IL27RA: variants seen among roughly 807,000 people sequenced by gnomAD.
IL27RA encodes the protein interleukin-27 receptor subunit alpha.
A neutral mutation model predicts 80.8 loss-of-function variants in IL27RA; 61 were observed. The ratio of observed to expected loss-of-function variants is 0.76; its 90% confidence interval spans 0.61 to 0.93. The LOEUF is 0.93. Ranked by LOEUF, IL27RA falls within the 40% of genes least tolerant of loss-of-function variation. The probability of loss-of-function intolerance (pLI) is 0.00; values close to 1 mark genes in which losing one functional copy is unlikely to be tolerated. For synonymous variants in IL27RA, 316 were observed against 332.5 expected, an observed-to-expected ratio of 0.95 and a Z score of 0.54; for missense variants, 735 against 808.1, an observed-to-expected ratio of 0.91 and a Z score of 1.10.
Position 14,052,153 on chromosome 19 carries a change from G to C in IL27RA, c.1774G>C (p.Glu592Gln). 6.2e-7 allele frequency: 1 copy of C among 1,612,746 alleles called. No individual in the cohort carries two copies. Among genetic ancestry groups the C allele is most frequent in the Non-Finnish European group, 8.5e-7 (1 of 1,179,608 alleles). The change falls in exon 14 of 14, where the codon GAG becomes CAG. Residue 592 changes from glutamate (E) to glutamine (Q), a missense_variant. By Grantham distance (29) the Glu-to-Gln change is conservative. Transcript: ENST00000263379. ...GCCCATCCTGGAAGTGGAGGAGATG[G>C]AGCCCCCGCCGGTTATGGAGTCCTC... ...DLPILEVEEM[E>Q]PPPVMESSQP...
At position 14,052,802 on chromosome 19, in the gene IL27RA, C is replaced by T. The variant is rs1976199817; in HGVS notation, c.*512C>T. 6.6e-6 allele frequency: 1 copy of T among 152,284 alleles called. No individual in the cohort carries two copies. The highest frequency in any genetic ancestry group is 2.4e-5 in the African/African-American group (1 of 41,292). 9.4% of individuals were successfully genotyped at this position (152,284 alleles called of 1,614,324 possible). A position where few individuals can be genotyped will look rare whatever the true frequency, so the allele number is the denominator to read the frequency against. On this transcript the variant is annotated 3_prime_UTR_variant, in exon 14 of 14. Transcript: ENST00000263379. ...GCTGAGGTGGGAGGATCGGTTGAGCCCAGGAGTTCGAAGCTGCAGGGACCT... is the reference window on the plus strand; with the variant it reads ...GCTGAGGTGGGAGGATCGGTTGAGCTCAGGAGTTCGAAGCTGCAGGGACCT...
At chr19:14,042,655 C>T in intron 5 of IL27RA, 43 bp downstream of exon 5, 1 of 1,613,946 alleles carries the variant, frequency 6.2e-7, no homozygotes, top group Non-Finnish European at 8.5e-7. Context: ...CCCCTCCCAC[C>T]CCCAGAAGTC....
At chr19:14,049,380 A>AC (rs1976124158) in intron 10 of IL27RA, 66 bp downstream of exon 10, 2 of 1,533,654 alleles carry the variant, frequency 1.3e-6, no homozygotes, top group South Asian at 2.5e-5. Flanking sequence ...AGTCAGCCCC[A>AC]CCCCTTGTCC....
chr19:14,042,743 A>G lies in IL27RA; in HGVS notation c.722A>G (p.Asn241Ser), dbSNP rs1976009988. ...SAPKDVWVSG[N>S]LCGTPGGEEP... ...CCAAAAGATGTGTGGGTATCAGGGA[A>G]CCTCTGTGGGACGCCTGGAGGAGAG... The change falls in exon 6 of 14, where the codon AAC (asparagine) becomes AGC (serine). Residue 241 changes from asparagine to serine, a missense_variant. By Grantham distance (46) the Asn-to-Ser change is conservative. Transcript: ENST00000263379. 1.2e-6 allele frequency: 2 copies of G among 1,613,686 alleles called. No individual in the cohort carries two copies. Among genetic ancestry groups the G allele is most frequent in the African/African-American group, 1.3e-5 (1 of 74,786 alleles).
chr19:14,049,395 G>C (rs564149348), intron 10 of IL27RA, 81 bp downstream of exon 10: 1 of 1,467,192 alleles, frequency 6.8e-7, no homozygotes. Flanking sequence ...TTGTCCCCAC[G>C]TGGGCCTCTT....
chr19:14,032,259 C>G (rs1241938032), intron 1 of IL27RA, 127 bp from the exon 2 acceptor site: 2 of 783,024 alleles, frequency 2.6e-6, no homozygotes, highest in Non-Finnish European at 4.2e-6. Flanking sequence ...CCTAGCGCCT[C>G]CCTTCCTGCT....
intron 10 of IL27RA, among the ~76,000 whole-genome samples, chr19:14,050,511 CAAAAAA>C (rs34034204): frequency 7.0e-5 from 7 of 99,944 alleles, no homozygotes; most frequent in East Asian, 2.9e-4. Flanking sequence ...GACTTCATGT[CAAAAAA>C]AAAAAAAAAA....
intron 2 of IL27RA, among the ~76,000 whole-genome samples, chr19:14,039,056 G>A (rs1019750748): frequency 6.6e-6 from 1 of 151,564 alleles, no homozygotes; most frequent in Admixed American, 6.6e-5. Context: ...AGGCCGAGGT[G>A]TGTGCATCAC....
intron 6 of IL27RA, 146 bp downstream of exon 6, chr19:14,042,935 A>T (rs1054900424): frequency 1.3e-5 from 9 of 707,854 alleles, no homozygotes; most frequent in South Asian, 6.4e-5. Flanking sequence ...TGAGGTCAGC[A>T]GTTGGAGACC....
rs777027035 is a variant in IL27RA at position 14,046,283 on chromosome 19, G to A, written c.898G>A (p.Ala300Thr). Residue 300 changes from alanine (A) to threonine (T), a missense_variant, in exon 7 of 14, where the codon GCT (alanine) becomes ACT (threonine). Ala to Thr is a moderately conservative substitution (Grantham distance 58). Coordinates refer to ENST00000263379, the MANE Select transcript of IL27RA (RefSeq NM_004843.4). ...TGGGGCGGAGTGGGCCAGGGTGTCC[G>A]CTGTCAACGCCACAAGCTGGGAGCC... ...PSGAEWARVS[A>T]VNATSWEPLT... The A allele has an allele frequency of 3.7e-5, 60 of 1,613,990 alleles. No homozygotes were observed. The highest frequency in any genetic ancestry group is 1.5e-4 in the African/African-American group (11 of 74,918).
At chr19:14,049,641 G>T (rs1976128806) in intron 10 of IL27RA, among the ~76,000 whole-genome samples, 1 of 150,498 alleles carries the variant, frequency 6.6e-6, no homozygotes, top group South Asian at 2.1e-4. Context: ...GAGTGCAATG[G>T]CACGATCTCA....
intron 8 of IL27RA, 32 bp downstream of exon 8, chr19:14,046,650 C>G: frequency 6.4e-7 from 1 of 1,551,838 alleles, no homozygotes; most frequent in Non-Finnish European, 8.7e-7. Context: ...GTCTCCATCC[C>G]CGCTGTTAGA....
rs745491192 is a variant in IL27RA at position 14,039,516 on chromosome 19, A to G, written c.227A>G (p.Asn76Ser). Residue 76 changes from asparagine (N) to serine (S), a missense_variant, in exon 3 of 14, where the codon AAC becomes AGC. By Grantham distance (46) the Asn-to-Ser change is conservative (BLOSUM62 1). Transcript: ENST00000263379. ...LHLQSQKYRS[N>S]KTQTVAVAAG... ...CGCCTCTCTCCTCACAGCCGTTCCA[A>G]CAAAACCCAGACTGTGGCAGTGGCA... The G allele has an allele frequency of 4.3e-6, 7 of 1,612,882 alleles. No homozygotes were observed. Among genetic ancestry groups the G allele is most frequent in the Non-Finnish European group, 5.1e-6 (6 of 1,179,282 alleles).
chr19:14,034,749 G>A (rs1975873322), intron 2 of IL27RA, among the ~76,000 whole-genome samples: 1 of 150,798 alleles, frequency 6.6e-6, no homozygotes, highest in Admixed American at 6.6e-5. Context: ...TCAGGAGATC[G>A]AGACCATCCT....
rs1447939948 is a variant in IL27RA, at chr19:14,039,741, C to T, written c.377-12C>T. 3 of 1,612,470 alleles carry T rather than the reference C, an allele frequency of 1.9e-6. No individual in the cohort carries two copies. The highest frequency in any genetic ancestry group is 2.5e-6 in the Non-Finnish European group (3 of 1,179,146). ...GGCGTGGCTCACTACACCCTAGTTT[C>T]CCCTTCCCCAGTGAAGCCAAACGCC... is the stretch of plus-strand genomic sequence containing the variant. On this transcript the variant is annotated splice_polypyrimidine_tract_variant and intron_variant, in intron 3 of 13. Coordinates refer to ENST00000263379, the MANE Select transcript of IL27RA (RefSeq NM_004843.4).
At position 14,049,030 on chromosome 19, in the gene IL27RA, T is replaced by G. The variant is rs1365153437; in HGVS notation, c.1191T>G (p.Ser397=). 9 of 1,613,930 alleles carry G rather than the reference T, an allele frequency of 5.6e-6. No homozygotes were observed. The highest frequency in any genetic ancestry group is 6.8e-6 in the Non-Finnish European group (8 of 1,179,972). ...ATCGAATCACTGTGACCGCAGTCTC[T>G]GCTTCAGGCTTGGCCTCTGCATCCT... The part of the protein sequence containing the change: ...VPYRITVTAV[S]ASGLASASSV... The change falls in exon 9 of 14, where the codon TCT becomes TCG. Residue 397 remains serine (S), a synonymous_variant. Transcript: ENST00000263379.
At chr19:14,039,307 A>G (rs1960137644) in intron 2 of IL27RA, among the ~76,000 whole-genome samples, 1 of 151,928 alleles carries the variant, frequency 6.6e-6, no homozygotes, top group South Asian at 2.1e-4. Flanking sequence ...AGTTACTTTT[A>G]TTACCCTCAT....
intron 2 of IL27RA, among the ~76,000 whole-genome samples, chr19:14,035,754 T>G (rs1438843662): frequency 2.0e-5 from 3 of 151,980 alleles, no homozygotes; most frequent in Non-Finnish European, 4.4e-5. Flanking sequence ...TCTTTTCTAT[T>G]TTTATTTTAG....
Position 14,046,169 on chromosome 19 carries a change from G to C in IL27RA, c.784G>C (p.Val262Leu), listed in dbSNP as rs1488935559. 1 of 1,614,142 alleles carries C rather than the reference G, an allele frequency of 6.2e-7. No individual in the cohort carries two copies. Among genetic ancestry groups the C allele is most frequent in the Admixed American group, 1.7e-5 (1 of 60,012 alleles). The change falls in exon 7 of 14, where the codon GTG becomes CTG. Residue 262 changes from valine to leucine, a missense_variant. By Grantham distance (32) the Val-to-Leu change is conservative. Coordinates refer to ENST00000263379, the MANE Select transcript of IL27RA (RefSeq NM_004843.4). ...CATCTCTCAGGCCCCAGGGCCCTGT[G>C]TGCAGGTGAGCTACAAAGTCTGGTT... ...LLLWKAPGPCVQVSYKVWFWV... is the reference protein window; with the variant it reads ...LLLWKAPGPCLQVSYKVWFWV...
Sources: allele counts gnomAD v4.1 joint callset (sites outside exome capture counted in the v4.1 genomes callset), GRCh38; gene constraint gnomAD v4.1.1; transcripts MANE v1.5; gene names NCBI Gene and HGNC (gene_info 2026-07-23, HGNC 2026-07-21).